Variants in KCMF1 observed in about 807,000 individuals in gnomAD.
KCMF1 encodes the protein E3 ubiquitin-protein ligase KCMF1.
A neutral mutation model predicts 41.1 loss-of-function variants in KCMF1; 3 were observed. That is an observed-to-expected ratio of 0.07 (90% CI 0.03 to 0.19). The LOEUF is 0.19. KCMF1 is among the 10% of genes least tolerant of loss of function. The pLI, the probability that KCMF1 is intolerant of heterozygous loss-of-function variation, is 1.00. For missense variants in KCMF1, 286 were observed against 488.9 expected (o/e 0.58, Z 3.91); for synonymous variants, 142 against 164.5 (o/e 0.86, Z 1.04).
At chr2:85,047,608 A>C (rs951146178) in intron 5 of KCMF1, among the ~76,000 whole-genome samples, 10 of 152,068 alleles carry the variant, frequency 6.6e-5, no homozygotes, top group Non-Finnish European at 1.3e-4. Flanking sequence ...AAAAAAAAAA[A>C]AAAAACACAG....
chr2:85,050,064 C>T (rs866987423), intron 6 of KCMF1, among the ~76,000 whole-genome samples: 13 of 152,160 alleles, frequency 8.5e-5, no homozygotes, highest in African/African-American at 2.9e-4. Context: ...GTGGGAGGAT[C>T]GCTTGAGCCC....
chr2:84,975,561 G>A (rs1027274954), intron 1 of KCMF1, among the ~76,000 whole-genome samples: 2 of 152,056 alleles, frequency 1.3e-5, no homozygotes, highest in South Asian at 2.1e-4. Flanking sequence ...CTGCTTGCCC[G>A]TTAATACTTT....
chr2:85,022,293 G>A (rs1031177450), intron 1 of KCMF1, among the ~76,000 whole-genome samples: 3 of 151,936 alleles, frequency 2.0e-5, no homozygotes, highest in East Asian at 3.9e-4. Context: ...GCAACTTGGC[G>A]AAATCCCATC....
In KCMF1 at chr2:84,973,048, A is replaced by G. The variant is rs548794185; in HGVS notation, c.16+1581A>G. ...AGTTATAATCAGTTTTCAATTTGGG[A>G]TATTAAAGTTTATCTTAAACTGTAG... On this transcript the variant is annotated intron_variant, in intron 1 of 6. Transcript: ENST00000409785. Among the ~76,000 whole-genome samples, 8 of 152,336 alleles carry G rather than the reference A, an allele frequency of 5.3e-5. 1 individual carries two copies. Among genetic ancestry groups the G allele is most frequent in the African/African-American group, 1.9e-4 (8 of 41,590 alleles).
chr2:85,029,770 C>T (rs1675220290), intron 2 of KCMF1, among the ~76,000 whole-genome samples: 2 of 150,582 alleles, frequency 1.3e-5, no homozygotes, highest in Non-Finnish European at 3.0e-5. Flanking sequence ...CAACCTCCAC[C>T]TCCTGGGTTC....
At chr2:84,979,233 T>A (rs1025004055) in intron 1 of KCMF1, among the ~76,000 whole-genome samples, 3 of 152,178 alleles carry the variant, frequency 2.0e-5, no homozygotes, top group African/African-American at 4.8e-5. Flanking sequence ...TAATGTTTTT[T>A]AAATCACTTT....
intron 1 of KCMF1, among the ~76,000 whole-genome samples, chr2:85,010,578 C>T (rs541691754): frequency 1.3e-5 from 2 of 152,292 alleles, no homozygotes; most frequent in South Asian, 4.1e-4. Flanking sequence ...GCCACATGAG[C>T]ACTTGAAATG....
chr2:85,000,359 G>A (rs918604736), intron 1 of KCMF1, among the ~76,000 whole-genome samples: 1 of 152,092 alleles, frequency 6.6e-6, no homozygotes, highest in Non-Finnish European at 1.5e-5. Context: ...TCCTGACCTC[G>A]TGATCCGCCC....
intron 1 of KCMF1, among the ~76,000 whole-genome samples, chr2:85,000,689 AAAGT>A (rs1441580355): frequency 1.3e-5 from 2 of 152,238 alleles, no homozygotes; most frequent in Admixed American, 1.3e-4. Context: ...GACATACTAG[AAAGT>A]AAGTGTTTAC....
rs561590459 is a variant in KCMF1 at position 84,986,924 on chromosome 2, AG to A, written c.16+15460del. Among the ~76,000 whole-genome samples the A allele has an allele frequency of 1.2e-4, 19 of 152,236 alleles. No individual in the cohort carries two copies. In the South Asian group the frequency reaches 3.5e-3, roughly 28 times the overall value. Reference sequence around the variant, plus strand: ...GTTGATGGACTTACTTAAGGTTCCAAGGGTGAAGTGGGACAGGGACTTATTT... The same window carrying A: ...GTTGATGGACTTACTTAAGGTTCCAAGGTGAAGTGGGACAGGGACTTATTT... On this transcript the variant is annotated intron_variant, in intron 1 of 6. Coordinates refer to ENST00000409785, the MANE Select transcript of KCMF1 (RefSeq NM_020122.5).
At chr2:85,047,447 G>C (rs1181595585) in intron 5 of KCMF1, among the ~76,000 whole-genome samples, 1 of 152,088 alleles carries the variant, frequency 6.6e-6, no homozygotes, top group Non-Finnish European at 1.5e-5. Context: ...TTTCAGAACT[G>C]TTATCTATAG....
intron 1 of KCMF1, among the ~76,000 whole-genome samples, chr2:85,010,471 T>C (rs1167561261): frequency 6.6e-6 from 1 of 152,144 alleles, no homozygotes; most frequent in Non-Finnish European, 1.5e-5. Flanking sequence ...CTGTCTTCAA[T>C]AAAAAAGACT....
chr2:84,979,578 A>G (rs539342005), intron 1 of KCMF1, among the ~76,000 whole-genome samples: 131 of 152,016 alleles, frequency 8.6e-4, no homozygotes, highest in African/African-American at 3.1e-3. Flanking sequence ...TTTCATGCAT[A>G]TGGACTCAAA....
chr2:85,052,388 A>G (rs1007796543), intron 6 of KCMF1, among the ~76,000 whole-genome samples: 2 of 152,200 alleles, frequency 1.3e-5, no homozygotes, highest in Non-Finnish European at 2.9e-5. Flanking sequence ...ATCTTTTGAC[A>G]GTGGGACCAG....
chr2:85,019,951 TAAAA>T (rs201158649), intron 1 of KCMF1, among the ~76,000 whole-genome samples: 1 of 151,792 alleles, frequency 6.6e-6, no homozygotes, highest in Non-Finnish European at 1.5e-5. Flanking sequence ...ATAGTAAATT[TAAAA>T]AAAACCCTGT....
intron 1 of KCMF1, among the ~76,000 whole-genome samples, chr2:84,996,555 C>T (rs1394296926): frequency 1.3e-5 from 2 of 151,360 alleles, no homozygotes; most frequent in Non-Finnish European, 2.9e-5. Flanking sequence ...CCTGCCTCAG[C>T]CTCCTGAGAA....
intron 1 of KCMF1, among the ~76,000 whole-genome samples, chr2:84,986,081 A>G (rs1393680730): frequency 6.6e-6 from 1 of 152,164 alleles, no homozygotes; most frequent in East Asian, 1.9e-4. Flanking sequence ...CATTCTATTC[A>G]TGGATTGTCA....
At chr2:85,024,405 G>A (rs1675033254) in intron 1 of KCMF1, among the ~76,000 whole-genome samples, 2 of 152,130 alleles carry the variant, frequency 1.3e-5, no homozygotes, top group Admixed American at 6.5e-5. Context: ...CCCAGGAGGC[G>A]GAGGTTGCAG....
At chr2:85,027,566 G>A (rs1319248047) in intron 1 of KCMF1, among the ~76,000 whole-genome samples, 1 of 151,648 alleles carries the variant, frequency 6.6e-6, no homozygotes, top group African/African-American at 2.4e-5. Context: ...GTAGAGACGG[G>A]GTTTCAACAT....
Sources: gnomAD v4.1 joint callset for allele counts (sites outside exome capture counted in the v4.1 genomes callset) on GRCh38, gnomAD v4.1.1 for gene constraint, MANE v1.5 for transcripts, NCBI Gene and HGNC (gene_info 2026-07-23, HGNC 2026-07-21) for gene names.